DNAJC11: variants seen among roughly 807,000 people sequenced by gnomAD.
The protein encoded by DNAJC11 is DnaJ heat shock protein family (Hsp40) member C11, also known as dnaJ homolog subfamily C member 11.
A neutral mutation model predicts 78.6 loss-of-function variants in DNAJC11; 15 were observed. The observed-to-expected ratio is 0.19, with a 90% confidence interval of 0.13 to 0.29. DNAJC11 has a LOEUF of 0.29. DNAJC11 is among the 10% of genes least tolerant of loss of function. The pLI is 1.00. For synonymous variants in DNAJC11, 292 were observed against 272.1 expected (o/e 1.07, Z -0.72); for missense variants, 547 against 709.6 (o/e 0.77, Z 2.60).
At chr1:6,647,242 C>T (rs771274158) in intron 7 of DNAJC11, among the ~76,000 whole-genome samples, 10 of 151,970 alleles carry the variant, frequency 6.6e-5, no homozygotes, top group African/African-American at 9.6e-5. Context: ...CCACCATGTC[C>T]GGTTAATATT....
intron 1 of DNAJC11, 98 bp downstream of exon 1, chr1:6,701,631 G>A (rs1642930545): frequency 7.7e-7 from 1 of 1,296,524 alleles, no homozygotes; most frequent in Non-Finnish European, 1.0e-6. Flanking sequence ...ACGGACCCGA[G>A]CCTCCCGTGG....
At chr1:6,700,564 AC>A (rs778655555) in intron 1 of DNAJC11, among the ~76,000 whole-genome samples, 1 of 152,162 alleles carries the variant, frequency 6.6e-6, no homozygotes, top group Non-Finnish European at 1.5e-5. Flanking sequence ...GTGACTTTAG[AC>A]ACACTACTTA....
rs539081168 is a variant in DNAJC11, at chr1:6,635,315, GC to G, written c.*359del. The stretch of plus-strand genomic sequence containing the variant: ...CACGCTCCTGTGGTGAGGGCAGGGT[GC>G]TCCACAGACACCTCCAGACCCAGCC... On this transcript the variant is annotated 3_prime_UTR_variant, in exon 16 of 16. Coordinates refer to ENST00000377577, the MANE Select transcript of DNAJC11 (RefSeq NM_018198.4). 6.3e-4 allele frequency: 139 copies of G among 220,226 alleles called. 1 individual carries two copies. Among genetic ancestry groups the G allele is most frequent in the African/African-American group, 2.9e-3 (125 of 43,836 alleles). The allele number at this position is 220,226 out of a possible 1,614,324, so 13.6% of individuals were successfully genotyped here. A position where few individuals can be genotyped will look rare whatever the true frequency, so the allele number is the denominator to read the frequency against.
At position 6,648,490 on chromosome 1, in the gene DNAJC11, T is replaced by C. The variant is rs573961314; in HGVS notation, c.705-2512A>G. 2.0e-5 allele frequency among the ~76,000 whole-genome samples: 3 copies of C among 152,100 alleles called. No homozygotes were observed. The South Asian group carries it at 6.2e-4, about 32-fold the overall frequency. ...TTTTTCTTTTGAGAGAGGGTCTTGC[T>C]CTGTCACCTAGGCTGAAGTGCAGTG... On this transcript the variant is annotated intron_variant, in intron 7 of 15. Transcript: ENST00000377577.
chr1:6,679,484 C>A (rs142453769), intron 2 of DNAJC11, among the ~76,000 whole-genome samples: 1 of 152,194 alleles, frequency 6.6e-6, no homozygotes, highest in African/African-American at 2.4e-5. Context: ...TTCTCTTCCC[C>A]CTCTGCTTCA....
Position 6,653,838 on chromosome 1 carries a change from C to G in DNAJC11, c.507+73G>C, listed in dbSNP as rs1642090036. 1 of 1,567,460 alleles carries G rather than the reference C, an allele frequency of 6.4e-7. No individual in the cohort carries two copies. Among genetic ancestry groups the G allele is most frequent in the Non-Finnish European group, 8.7e-7 (1 of 1,146,330 alleles). On this transcript the variant is annotated intron_variant, in intron 5 of 15. Transcript: ENST00000377577. This position sits in a 1 kb window ranked among gnomAD's most constrained non-coding sequence, Gnocchi z 4.5. ...GAAAAACCCTGGGCAGACTCTCATT[C>G]CAGCTGCTTGGTGTGCTGTGCCTCA...
chr1:6,646,042 C>T lies in DNAJC11; in HGVS notation c.705-64G>A, dbSNP rs552768910. On this transcript the variant is annotated intron_variant, in intron 7 of 15. Transcript: ENST00000377577. Reference sequence around the variant, plus strand: ...CCTGCTCTCAGCTGTTCTGTTACTTCCTCTCTGCCTGGCTAAGACCTCACT... The same window carrying T: ...CCTGCTCTCAGCTGTTCTGTTACTTTCTCTCTGCCTGGCTAAGACCTCACT... 701 of 1,537,726 alleles carry T rather than the reference C, an allele frequency of 4.6e-4. 20 individuals carry two copies. The South Asian group carries it at 7.9e-3, about 17-fold the overall frequency.
Position 6,635,689 on chromosome 1 carries a change from C to T in DNAJC11, c.1666G>A (p.Asp556Asn), listed in dbSNP as rs202010763. 2.7e-5 allele frequency: 44 copies of T among 1,614,100 alleles called. No individual in the cohort carries two copies. The highest frequency in any genetic ancestry group is 3.4e-5 in the Non-Finnish European group (40 of 1,180,004). The change falls in exon 16 of 16, where the codon GAT becomes AAT. Residue 556 changes from aspartate (D) to asparagine (N), a missense_variant. Coordinates refer to ENST00000377577, the MANE Select transcript of DNAJC11 (RefSeq NM_018198.4). ...TTCTTGGCAGTTTATCCATCTGTAT[C>T]GATCCTGTGGGCTGTAAAGGAAAAG... ...LRIPKQSHRI[D>N]TDG
At chr1:6,639,087 A>T (rs1450714393) in intron 11 of DNAJC11, among the ~76,000 whole-genome samples, 2 of 152,208 alleles carry the variant, frequency 1.3e-5, no homozygotes, top group Admixed American at 1.3e-4. Context: ...ATAAAGTAAC[A>T]AATCTATACC....
chr1:6,694,433 AT>A (rs1642799906), intron 1 of DNAJC11, among the ~76,000 whole-genome samples: 2 of 152,066 alleles, frequency 1.3e-5, no homozygotes, highest in Admixed American at 1.3e-4. Flanking sequence ...GCCCTTGCTC[AT>A]TTCCTCCTAT....
At position 6,675,727 on chromosome 1, in the gene DNAJC11, A is replaced by G. The variant is rs567399044; in HGVS notation, c.276+2667T>C. Among the ~76,000 whole-genome samples, 42 of 152,168 alleles carry G rather than the reference A, an allele frequency of 2.8e-4. 2 individuals carry two copies. In the South Asian group the frequency reaches 7.3e-3, roughly 26 times the overall value. On this transcript the variant is annotated intron_variant, in intron 3 of 15. Transcript: ENST00000377577. ...TGTGAGCCACTGCACCCAGCCCTAT[A>G]TATTTGTATAACCACCATTTTGCGT...
At chr1:6,640,126 G>C in intron 10 of DNAJC11, 69 bp from the exon 11 acceptor site, 1 of 1,480,674 alleles carries the variant, frequency 6.8e-7, no homozygotes, top group Admixed American at 2.5e-5. Context: ...AAGGGCAATG[G>C]GGTGTCAGGC....
At chr1:6,639,601 G>C (rs557920052) in intron 11 of DNAJC11, among the ~76,000 whole-genome samples, 1 of 152,102 alleles carries the variant, frequency 6.6e-6, no homozygotes, top group Non-Finnish European at 1.5e-5. Flanking sequence ...CAAAGTGCTG[G>C]GAATACAGGC....
intron 1 of DNAJC11, among the ~76,000 whole-genome samples, chr1:6,691,902 A>C (rs1186570753): frequency 6.6e-6 from 1 of 152,246 alleles, no homozygotes; most frequent in Non-Finnish European, 1.5e-5. Context: ...ACTCCTTTAA[A>C]AAATATATGC....
chr1:6,653,101 G>T lies in DNAJC11; in HGVS notation c.508-150C>A. ...ACATGGATGCAGAACTGCCGCAACA[G>T]CTTCACTTTTCTTCCGCTTTGTTAT... On this transcript the variant is annotated intron_variant, in intron 5 of 15. Transcript: ENST00000377577. This position sits in a 1 kb window ranked among gnomAD's most constrained non-coding sequence, Gnocchi z 4.5. 2.2e-6 allele frequency: 2 copies of T among 904,886 alleles called. No individual in the cohort carries two copies. Among genetic ancestry groups the T allele is most frequent in the East Asian group, 2.5e-5 (1 of 40,802 alleles). 56.1% of individuals were successfully genotyped at this position (904,886 alleles called of 1,614,324 possible).
chr1:6,650,310 A>G (rs1642035527), intron 7 of DNAJC11, among the ~76,000 whole-genome samples: 1 of 152,060 alleles, frequency 6.6e-6, no homozygotes. Context: ...TCATGCTTCT[A>G]ATCTCAGTGC....
chr1:6,672,390 GAA>G (rs958280081), intron 3 of DNAJC11, among the ~76,000 whole-genome samples: 2 of 152,156 alleles, frequency 1.3e-5, no homozygotes, highest in East Asian at 1.9e-4. Flanking sequence ...GCTGCAGCAG[GAA>G]AAGATTCATT....
At chr1:6,678,601 C>G in intron 2 of DNAJC11, 134 bp from the exon 3 acceptor site, 1 of 697,092 alleles carries the variant, frequency 1.4e-6, no homozygotes, top group Non-Finnish European at 2.4e-6. Context: ...AGACCCCTTT[C>G]ATTTTCTACA....
chr1:6,678,556 C>A (rs1570303426), intron 2 of DNAJC11, 89 bp from the exon 3 acceptor site: 3 of 999,332 alleles, frequency 3.0e-6, no homozygotes. Flanking sequence ...GTAAGCCCAT[C>A]TCCTGTTCTC....
Sources: gnomAD v4.1 joint callset for allele counts (sites outside exome capture counted in the v4.1 genomes callset) on GRCh38, gnomAD v4.1.1 for gene constraint, Gnocchi (gnomAD v3.1) non-coding constraint, MANE v1.5 for transcripts, NCBI Gene and HGNC (gene_info 2026-07-23, HGNC 2026-07-21) for gene names.